The following DROSHA variants were observed in gnomAD, a reference collection of about 807,000 sequenced individuals.
The protein encoded by DROSHA is drosha ribonuclease III, also known as ribonuclease 3.
In DROSHA, 56 loss-of-function variants were observed where a neutral mutation model predicts 181.9. That is an observed-to-expected ratio of 0.31 (90% CI 0.25 to 0.38). The LOEUF is 0.38. DROSHA is among the 10% of genes least tolerant of loss of function. DROSHA has a pLI of 1.00. For synonymous variants in DROSHA, 524 were observed against 591.2 expected (o/e 0.89, Z 1.65); for missense variants, 1,218 against 1,743.5 (o/e 0.70, Z 5.37).
At chr5:31,447,291 T>C (rs1746426152) in intron 23 of DROSHA, among the ~76,000 whole-genome samples, 1 of 152,166 alleles carries the variant, frequency 6.6e-6, no homozygotes, top group Non-Finnish European at 1.5e-5. Flanking sequence ...GCTATTAGGC[T>C]TAATACTTGG....
chr5:31,445,060 C>A (rs1408424055), intron 23 of DROSHA, among the ~76,000 whole-genome samples: 1 of 152,200 alleles, frequency 6.6e-6, no homozygotes, highest in Non-Finnish European at 1.5e-5. Context: ...CTGTCACTTC[C>A]AGCCCAACTC....
At chr5:31,508,332 C>T (rs1349421964) in intron 10 of DROSHA, among the ~76,000 whole-genome samples, 2 of 152,194 alleles carry the variant, frequency 1.3e-5, no homozygotes, top group East Asian at 3.8e-4. Flanking sequence ...TCTCTCTCCT[C>T]ATCCTACCAT....
At chr5:31,494,754 C>T (rs1400221146) in intron 12 of DROSHA, among the ~76,000 whole-genome samples, 2 of 151,974 alleles carry the variant, frequency 1.3e-5, no homozygotes, top group African/African-American at 2.4e-5. Context: ...GGTGCGATCT[C>T]GGCTCTGCCT....
chr5:31,466,727 A>G (rs541128906), intron 18 of DROSHA, among the ~76,000 whole-genome samples: 3 of 152,228 alleles, frequency 2.0e-5, no homozygotes, highest in Non-Finnish European at 4.4e-5. Flanking sequence ...TAAGTTGAAG[A>G]GTATTAGAAT....
At chr5:31,466,895 A>G (rs1749080856) in intron 18 of DROSHA, among the ~76,000 whole-genome samples, 1 of 152,194 alleles carries the variant, frequency 6.6e-6, no homozygotes, top group Non-Finnish European at 1.5e-5. Flanking sequence ...ACCAGTCTAA[A>G]GGATACTGTC....
chr5:31,411,735 T>A lies in DROSHA; in HGVS notation c.3526-848A>T, dbSNP rs1324358372. ...TCCACCTTCTGGACTCAAGCTATCC[T>A]CCCACCTCAGCCTCCCGAGTAGCTG... On this transcript the variant is annotated intron_variant, in intron 30 of 35. Coordinates refer to ENST00000344624, the MANE Select transcript of DROSHA (RefSeq NM_001382508.1). This position sits in a 1 kb window ranked among gnomAD's most constrained non-coding sequence, Gnocchi z 4.2. 1.3e-5 allele frequency among the ~76,000 whole-genome samples: 2 copies of A among 152,124 alleles called. No homozygotes were observed. Among genetic ancestry groups the A allele is most frequent in the Non-Finnish European group, 2.9e-5 (2 of 68,006 alleles).
At chr5:31,417,093 A>AGGCAACAAG (rs1255174640) in intron 30 of DROSHA, among the ~76,000 whole-genome samples, 2 of 152,192 alleles carry the variant, frequency 1.3e-5, no homozygotes, top group African/African-American at 4.8e-5. Context: ...GACAAGGGGA[A>AGGCAACAAG]GTGGTTGCCT....
At chr5:31,413,797 A>C (rs1741630754) in intron 30 of DROSHA, among the ~76,000 whole-genome samples, 1 of 152,210 alleles carries the variant, frequency 6.6e-6, no homozygotes, top group South Asian at 2.1e-4. Flanking sequence ...CATTTGAGTA[A>C]AAGCATTTCA....
intron 27 of DROSHA, 88 bp downstream of exon 27, chr5:31,429,387 T>C: frequency 7.8e-7 from 1 of 1,276,062 alleles, no homozygotes; most frequent in South Asian, 1.5e-5. Context: ...GTTTCTCCTA[T>C]ATTCTCTTCA....
intron 6 of DROSHA, among the ~76,000 whole-genome samples, chr5:31,519,206 A>G (rs1054075891): frequency 1.3e-5 from 2 of 152,192 alleles, no homozygotes; most frequent in African/African-American, 4.8e-5. Flanking sequence ...AAACCATTAA[A>G]CCGAGGCTAT....
At chr5:31,446,830 AG>A (rs1746364208) in intron 23 of DROSHA, among the ~76,000 whole-genome samples, 1 of 152,226 alleles carries the variant, frequency 6.6e-6, no homozygotes, top group Non-Finnish European at 1.5e-5. Flanking sequence ...ACTTGAGGCC[AG>A]GAGTTGGAGA....
intron 16 of DROSHA, among the ~76,000 whole-genome samples, chr5:31,481,112 C>T (rs998997720): frequency 5.3e-5 from 8 of 151,542 alleles, no homozygotes; most frequent in Non-Finnish European, 1.0e-4. Flanking sequence ...TTTTTTAATT[C>T]ACCATTTTCT....
chr5:31,443,543 AAT>A (rs1334779282), intron 23 of DROSHA, among the ~76,000 whole-genome samples: 1 of 152,176 alleles, frequency 6.6e-6, no homozygotes, highest in Non-Finnish European at 1.5e-5. Flanking sequence ...GAATGAATTA[AAT>A]ATAACTATTC....
At chr5:31,522,803 G>T (rs1385160592) in intron 5 of DROSHA, among the ~76,000 whole-genome samples, 3 of 152,202 alleles carry the variant, frequency 2.0e-5, no homozygotes, top group East Asian at 3.9e-4. Context: ...GCTCAACAGT[G>T]TGCTTGGTGC....
chr5:31,454,060 GT>G (rs1747351608), intron 20 of DROSHA, among the ~76,000 whole-genome samples: 1 of 152,146 alleles, frequency 6.6e-6, no homozygotes, highest in Non-Finnish European at 1.5e-5. Context: ...AAATAAGAGT[GT>G]ATGAGGAGAA....
chr5:31,462,213 C>T (rs905769598), intron 20 of DROSHA, among the ~76,000 whole-genome samples: 2 of 152,092 alleles, frequency 1.3e-5, no homozygotes, highest in Non-Finnish European at 1.5e-5. Flanking sequence ...TATATGAACT[C>T]ATAGGCAACA....
intron 5 of DROSHA, 116 bp from the exon 6 acceptor site, chr5:31,521,331 T>C: frequency 2.8e-6 from 3 of 1,078,070 alleles, no homozygotes; most frequent in East Asian, 2.4e-5. Context: ...TTTCAGGCAC[T>C]GTTCACTGGG....
intron 5 of DROSHA, among the ~76,000 whole-genome samples, chr5:31,521,777 A>G (rs1739922306): frequency 6.6e-6 from 1 of 152,152 alleles, no homozygotes; most frequent in Admixed American, 6.5e-5. Flanking sequence ...AAAACTAAAT[A>G]GAGATGTTGG....
chr5:31,459,599 C>T (rs191481905), intron 20 of DROSHA, among the ~76,000 whole-genome samples: 16 of 152,230 alleles, frequency 1.1e-4, no homozygotes, highest in African/African-American at 3.1e-4. Context: ...CTCCTTCCCC[C>T]GCTACAAGAT....
Sources: gnomAD v4.1 joint callset for allele counts (sites outside exome capture counted in the v4.1 genomes callset) on GRCh38, gnomAD v4.1.1 for gene constraint, Gnocchi (gnomAD v3.1) non-coding constraint, MANE v1.5 for transcripts, NCBI Gene and HGNC (gene_info 2026-07-23, HGNC 2026-07-21) for gene names.